VPS13C: variants seen among roughly 807,000 people sequenced by gnomAD.
VPS13C encodes the protein vacuolar protein sorting 13 homolog C.
A neutral mutation model predicts 456.8 loss-of-function variants in VPS13C; 358 were observed. The observed-to-expected ratio is 0.78, with a 90% CI of 0.72 to 0.86. The LOEUF (loss-of-function observed/expected upper bound fraction) is 0.86, where lower values mean the gene tolerates loss of function less well. VPS13C is among the 40% of genes least tolerant of loss of function. The pLI, the probability that VPS13C is intolerant of heterozygous loss-of-function variation, is 0.00. For synonymous variants in VPS13C, 1,578 were observed against 1,486.7 expected, an observed-to-expected ratio of 1.06 and a Z score of -1.41; for missense variants, 4,818 against 4,385.4, an observed-to-expected ratio of 1.10 and a Z score of -2.79.
intron 5 of VPS13C, among the ~76,000 whole-genome samples, chr15:62,028,763 C>T (rs2047721162): frequency 6.6e-6 from 1 of 151,990 alleles, no homozygotes; most frequent in Non-Finnish European, 1.5e-5. Flanking sequence ...TTTTTGCATG[C>T]CATTTTGTCC....
chr15:61,941,690 T>C, intron 46 of VPS13C, 73 bp downstream of exon 46: 8 of 1,456,100 alleles, frequency 5.5e-6, no homozygotes, highest in Admixed American at 2.3e-5. Flanking sequence ...ACTACAACAT[T>C]TTACCTTAGG....
chr15:61,934,330 T>A lies in VPS13C; in HGVS notation c.5757A>T (p.Glu1919Asp), dbSNP rs1270698595. ...GCTTTGAGTCTGTCCAATCTTCTTGTTCTAATGGTGAAAATTTAAAAGCTT... is the reference window on the plus strand; with the variant it reads ...GCTTTGAGTCTGTCCAATCTTCTTGATCTAATGGTGAAAATTTAAAAGCTT... ...DVSSVPDHLK[E>D]QEDWTDSKLS... is the part of the protein sequence containing the mutation. The change falls in exon 49 of 85, where the codon GAA (glutamate) becomes GAT (aspartate). Residue 1919 changes from glutamate (E) to aspartate (D), a missense_variant and splice_region_variant. Around this residue, in one of 3 missense-constraint regions of VPS13C, gnomAD observed 4,552 missense variants for 4,130.6 expected, o/e 1.10. Coordinates refer to ENST00000644861, the MANE Select transcript of VPS13C (RefSeq NM_020821.3). 6.7e-7 allele frequency: 1 copy of A among 1,502,552 alleles called. No individual in the cohort carries two copies. Among genetic ancestry groups the A allele is most frequent in the African/African-American group, 1.4e-5 (1 of 71,030 alleles). The allele number at this position is 1,502,552 out of a possible 1,614,324, so 93.1% of individuals were successfully genotyped here.
Position 61,882,605 on chromosome 15 carries a change from G to T in VPS13C, c.9615C>A (p.Tyr3205Ter). Reference sequence around the variant, plus strand: ...AGAATGACAATGTTACCTGAAGCCAGTACAACCTGGCCCTTAAACTTCTCT... The same window carrying T: ...AGAATGACAATGTTACCTGAAGCCATTACAACCTGGCCCTTAAACTTCTCT... ...SHQRSLRARL[Y>*]WLQVDNQLPG... Residue 3205 changes from tyrosine (Y) to a stop codon, truncating the protein, a stop_gained, in exon 69 of 85, where the codon TAC becomes TAA. Coordinates refer to ENST00000644861, the MANE Select transcript of VPS13C (RefSeq NM_020821.3). LOFTEE classifies it high-confidence loss of function. 2 of 1,548,298 alleles carry T rather than the reference G, an allele frequency of 1.3e-6. No homozygotes were observed.
rs1425270 is a variant in VPS13C at position 61,945,511 on chromosome 15, C to T, written c.5148+204G>A. Reference sequence around the variant, plus strand: ...TACCTGTGGAAATGTTATAGAATTACAGTCTATATCTTCAAAACAATAATT... The same window carrying T: ...TACCTGTGGAAATGTTATAGAATTATAGTCTATATCTTCAAAACAATAATT... On this transcript the variant is annotated intron_variant, in intron 45 of 84. Transcript: ENST00000644861. 0.6 allele frequency among the ~76,000 whole-genome samples: 90,987 copies of T among 152,030 alleles called. 27,605 individuals carry two copies. Among genetic ancestry groups the T allele is most frequent in the East Asian group, 0.76 (3,943 of 5,174 alleles).
At chr15:61,885,368 A>C (rs538136063) in intron 67 of VPS13C, among the ~76,000 whole-genome samples, 2 of 152,144 alleles carry the variant, frequency 1.3e-5, no homozygotes, top group Non-Finnish European at 2.9e-5. Flanking sequence ...AACAAAAATT[A>C]ATTTCCAAAG....
intron 3 of VPS13C, among the ~76,000 whole-genome samples, chr15:62,036,905 G>C (rs1419430568): frequency 6.6e-6 from 1 of 150,786 alleles, no homozygotes; most frequent in Non-Finnish European, 1.5e-5. Context: ...AATCACACTT[G>C]AGCTTAATTA....
At chr15:61,907,002 T>C in intron 66 of VPS13C, 1 of 358,694 alleles carries the variant, frequency 2.8e-6, no homozygotes, top group South Asian at 3.1e-5. Context: ...TTAAAATAGG[T>C]AAATTAATTA....
chr15:61,939,917 C>A (rs2044358462), intron 47 of VPS13C, among the ~76,000 whole-genome samples: 1 of 151,818 alleles, frequency 6.6e-6, no homozygotes. Context: ...TCGCTTGAAC[C>A]CAGCTAGTGG....
chr15:61,920,291 A>C lies in VPS13C; in HGVS notation c.7253T>G (p.Leu2418Ter). Residue 2418 changes from leucine (L) to a stop codon, truncating the protein, a stop_gained, in exon 57 of 85, where the codon TTA becomes TGA. Transcript: ENST00000644861. LOFTEE classifies it high-confidence loss of function. ...TACCGTAAAAGGAGCTCTGTCCTTT[A>C]AAGAGTAGTCAAAAGTAGAAGCAGT... ...EGTASTFDYSLKDRAPFTVKN... is the reference protein window; with the variant it reads ...EGTASTFDYS 6.2e-7 allele frequency: 1 copy of C among 1,611,120 alleles called. No individual in the cohort carries two copies. Among genetic ancestry groups the C allele is most frequent in the East Asian group, 2.2e-5 (1 of 44,828 alleles).
At chr15:62,055,830 A>T (rs1224433434) in intron 1 of VPS13C, among the ~76,000 whole-genome samples, 1 of 152,180 alleles carries the variant, frequency 6.6e-6, no homozygotes, top group Non-Finnish European at 1.5e-5. Flanking sequence ...GTCCCTTACA[A>T]ATGCAGAAGA....
chr15:61,875,879 A>G (rs1364789705), intron 75 of VPS13C, 34 bp from the exon 76 acceptor site: 1 of 1,341,724 alleles, frequency 7.5e-7, no homozygotes, highest in African/African-American at 1.5e-5. Context: ...TAAGTCCTTC[A>G]CAACTATTGT....
rs369284182 is a variant in VPS13C at position 62,010,595 on chromosome 15, G to A, written c.888C>T (p.Phe296=). 6 of 1,609,092 alleles carry A rather than the reference G, an allele frequency of 3.7e-6. No individual in the cohort carries two copies. The African/African-American group carries it at 8.0e-5, about 22-fold the overall frequency. ...GNIPPNYQYI[F]QPISASAKLY... is the part of the protein sequence containing the mutation. The stretch of plus-strand genomic sequence containing the variant: ...GTTTTGCAGAGGCTGATATTGGCTG[G>A]AAAACTTACATCACATGGGAAGACA... Residue 296 remains phenylalanine, a synonymous_variant, in exon 13 of 85, where the codon TTC becomes TTT. Transcript: ENST00000644861.
chr15:62,030,510 A>T (rs951259395), intron 5 of VPS13C, among the ~76,000 whole-genome samples: 2 of 152,106 alleles, frequency 1.3e-5, no homozygotes, highest in African/African-American at 4.8e-5. Context: ...CAGAACTGTG[A>T]GCCAATTAAA....
chr15:61,912,123 G>C, intron 62 of VPS13C, 119 bp from the exon 63 acceptor site: 1 of 936,322 alleles, frequency 1.1e-6, no homozygotes, highest in Non-Finnish European at 1.4e-6. Flanking sequence ...CTTAAATAAA[G>C]CAACTATAAG....
At chr15:61,874,825 A>C (rs755219917) in intron 77 of VPS13C, 51 bp downstream of exon 77, 1 of 1,460,400 alleles carries the variant, frequency 6.8e-7, no homozygotes, top group Non-Finnish European at 9.2e-7. Flanking sequence ...AACGTATTTC[A>C]TAACAATATA....
chr15:61,856,037 A>T (rs1893884630), intron 83 of VPS13C, among the ~76,000 whole-genome samples: 1 of 152,116 alleles, frequency 6.6e-6, no homozygotes, highest in Non-Finnish European at 1.5e-5. Flanking sequence ...GCTTAATTCT[A>T]CCAAAAAGAA....
rs889862530 is a variant in VPS13C, at chr15:61,858,849, C to G, written c.10953-2440G>C. On this transcript the variant is annotated intron_variant, in intron 82 of 84. Coordinates refer to ENST00000644861, the MANE Select transcript of VPS13C (RefSeq NM_020821.3). This position sits in a 1 kb window ranked among gnomAD's most constrained non-coding sequence, Gnocchi z 4.4. Reference sequence around the variant, plus strand: ...CAGCAAATGAGCTTGGAAGTGGATTCTGTGGTAATTTGTTGTGCAGCAATA... The same window carrying G: ...CAGCAAATGAGCTTGGAAGTGGATTGTGTGGTAATTTGTTGTGCAGCAATA... Among the ~76,000 whole-genome samples the G allele has an allele frequency of 1.3e-5, 2 of 152,272 alleles. No individual in the cohort carries two copies. The highest frequency in any genetic ancestry group is 2.9e-5 in the Non-Finnish European group (2 of 68,012).
rs777370952 is a variant in VPS13C at position 61,961,575 on chromosome 15, T to C, written c.3908+14A>G. On this transcript the variant is annotated intron_variant, in intron 35 of 84. Transcript: ENST00000644861. ...AATATAATATTTAAATCCATAATTA[T>C]TGAAAGAGCATACCTATAAAGTGTA... The C allele has an allele frequency of 1.8e-5, 28 of 1,527,128 alleles. No homozygotes were observed. Among genetic ancestry groups the C allele is most frequent in the South Asian group, 7.9e-5 (6 of 76,036 alleles). 94.6% of individuals were successfully genotyped at this position (1,527,128 alleles called of 1,614,324 possible).
At chr15:61,881,491 G>C (rs1895844707) in intron 71 of VPS13C, 72 bp downstream of exon 71, 1 of 1,436,528 alleles carries the variant, frequency 7.0e-7, no homozygotes, top group Non-Finnish European at 9.4e-7. Context: ...CTTTCAAAAA[G>C]AGTAAGATTT....
Sources: gnomAD v4.1 joint callset for allele counts (sites outside exome capture counted in the v4.1 genomes callset) on GRCh38, gnomAD v4.1.1 for gene constraint, gnomAD v4.1.1 regional missense constraint, Gnocchi (gnomAD v3.1) non-coding constraint, MANE v1.5 for transcripts, NCBI Gene and HGNC (gene_info 2026-07-23, HGNC 2026-07-21) for gene names.